Variants in UBXN11 observed in about 807,000 individuals in gnomAD.
The protein encoded by UBXN11 is UBX domain protein 11, also known as UBX domain-containing protein 11.
UBXN11 carries 47 observed loss-of-function variants against 62.8 expected under a neutral mutation model. The observed-to-expected ratio is 0.75, with a 90% CI of 0.59 to 0.95. The LOEUF (loss-of-function observed/expected upper bound fraction) is 0.95. UBXN11 is among the 40% of genes least tolerant of loss of function. UBXN11 has a pLI of 0.00. For missense variants in UBXN11, 638 were observed against 661.7 expected (o/e 0.96, Z 0.39); for synonymous variants, 294 against 267.0 (o/e 1.10, Z -0.99).
rs746750928 is a variant in UBXN11, at chr1:26,302,849, CG to C, written c.34del (p.Arg12GlufsTer10). ...AGGCTCCGAGGGCAGGGGCACTTTT[CG>C]GGTCTTGCTAAGGGAGGCCAAAGGT... ...SSPLASLSKTRKVPLPSEPMN... is the reference protein window; with the variant it reads ...SSPLASLSKTXKVPLPSEPMN... On this transcript the variant is annotated frameshift_variant, in exon 2 of 15. Transcript: ENST00000374222. LOFTEE classifies it high-confidence loss of function. 1.2e-6 allele frequency: 2 copies of C among 1,613,734 alleles called. No homozygotes were observed. The highest frequency in any genetic ancestry group is 2.7e-5 in the African/African-American group (2 of 74,874).
chr1:26,300,835 A>G, intron 4 of UBXN11, 91 bp downstream of exon 4: 1 of 1,590,040 alleles, frequency 6.3e-7, no homozygotes, highest in South Asian at 1.1e-5. Context: ...CAAACAGGCG[A>G]GAGGAAGGGC....
chr1:26,296,397 CG>C (rs2073393315), intron 7 of UBXN11, among the ~76,000 whole-genome samples: 1 of 152,152 alleles, frequency 6.6e-6, no homozygotes, highest in African/African-American at 2.4e-5. Context: ...TGAGAAAGCT[CG>C]GGATGGAAAA....
chr1:26,285,550 G>C lies in UBXN11; in HGVS notation c.775-9C>G, dbSNP rs537188568. On this transcript the variant is annotated splice_polypyrimidine_tract_variant and intron_variant, in intron 9 of 14. Coordinates refer to ENST00000374222, the MANE Select transcript of UBXN11 (RefSeq NM_001389556.1). ...ATGTCTCGGAGGCAGCGCTGCAAGG[G>C]AAGAGGAAAAGTGAGGGGGTGGCCT... 1.1e-4 allele frequency: 172 copies of C among 1,570,262 alleles called. No homozygotes were observed. In the Middle Eastern group the frequency reaches 1.1e-3, roughly 10 times the overall value.
chr1:26,288,673 C>G (rs2073187049), intron 8 of UBXN11, among the ~76,000 whole-genome samples: 1 of 152,196 alleles, frequency 6.6e-6, no homozygotes, highest in Non-Finnish European at 1.5e-5. Context: ...TGGAAAGGCA[C>G]TTCCTCTTTG....
rs77009122 is a variant in UBXN11, at chr1:26,284,881, T to G, written c.853-399A>C. The G allele has an allele frequency of 4.0e-3, 4,061 of 1,011,148 alleles. 135 individuals are homozygous for G. In the African/African-American group the frequency reaches 0.064, roughly 16 times the overall value. The allele number at this position is 1,011,148 out of a possible 1,614,324, so 62.6% of individuals were successfully genotyped here. A position where few individuals can be genotyped will look rare whatever the true frequency, so the allele number is the denominator to read the frequency against. On this transcript the variant is annotated intron_variant, in intron 10 of 14. Coordinates refer to ENST00000374222, the MANE Select transcript of UBXN11 (RefSeq NM_001389556.1). ...AGGCATAGCTCCGAGGTCCCCGCTG[T>G]GGCACGAATGCCTTAAACACCCCCG...
chr1:26,284,954 C>A, intron 10 of UBXN11: 1 of 1,001,038 alleles, frequency 1.0e-6, no homozygotes, highest in Non-Finnish European at 1.2e-6. Flanking sequence ...CATGCTCCCT[C>A]CCGGACACGC....
intron 1 of UBXN11, among the ~76,000 whole-genome samples, chr1:26,312,787 G>GGCCA (rs979777083): frequency 4.0e-5 from 6 of 150,280 alleles, no homozygotes; most frequent in African/African-American, 1.5e-4. Context: ...AGACCAGCCT[G>GGCCA]GCCAACATGG....
At chr1:26,298,116 T>TAC in intron 4 of UBXN11, 54 bp from the exon 5 acceptor site, 1 of 1,565,864 alleles carries the variant, frequency 6.4e-7, no homozygotes, top group Non-Finnish European at 8.7e-7. Context: ...GGCTGAGTTG[T>TAC]GGGGGGGAGG....
At chr1:26,293,837 A>G (rs2073330587) in intron 8 of UBXN11, among the ~76,000 whole-genome samples, 2 of 151,304 alleles carry the variant, frequency 1.3e-5, no homozygotes, top group Admixed American at 1.3e-4. Flanking sequence ...GGAATTTGGC[A>G]GCAGCTTCTA....
intron 8 of UBXN11, among the ~76,000 whole-genome samples, chr1:26,290,186 G>A (rs1001460100): frequency 6.6e-6 from 1 of 152,200 alleles, no homozygotes; most frequent in African/African-American, 2.4e-5. Flanking sequence ...ATCACATGCA[G>A]CTACACACAC....
At chr1:26,288,206 C>A (rs1402269208) in intron 8 of UBXN11, among the ~76,000 whole-genome samples, 1 of 152,046 alleles carries the variant, frequency 6.6e-6, no homozygotes, top group African/African-American at 2.4e-5. Flanking sequence ...AGGAAGAGCA[C>A]CAAATACACC....
At chr1:26,307,305 A>G (rs993834259), upstream of UBXN11, among the ~76,000 whole-genome samples, 1 of 152,178 alleles carries the variant, frequency 6.6e-6, no homozygotes, top group African/African-American at 2.4e-5. Context: ...CTGGCTCCTT[A>G]CTGTGTGTTC....
At chr1:26,311,408 G>A (rs1248562036), upstream of UBXN11, among the ~76,000 whole-genome samples, 3 of 151,710 alleles carry the variant, frequency 2.0e-5, no homozygotes, top group Non-Finnish European at 4.4e-5. Flanking sequence ...CCAAAGTGCT[G>A]GGATTACAGG....
intron 8 of UBXN11, among the ~76,000 whole-genome samples, chr1:26,293,609 C>T (rs1344133256): frequency 1.3e-5 from 2 of 150,554 alleles, no homozygotes; most frequent in African/African-American, 4.9e-5. Context: ...ACTTGTAATC[C>T]TAGCTACTCA....
intron 9 of UBXN11, 127 bp from the exon 10 acceptor site, chr1:26,285,668 C>T: frequency 7.4e-7 from 1 of 1,359,216 alleles, no homozygotes. Flanking sequence ...CATTCAGAGT[C>T]CCAGGCCTTG....
chr1:26,301,500 C>A (rs1249465970), intron 3 of UBXN11, among the ~76,000 whole-genome samples, 194 bp downstream of exon 3: 1 of 152,132 alleles, frequency 6.6e-6, no homozygotes, highest in Non-Finnish European at 1.5e-5. Context: ...GGGTATGGGG[C>A]CTCCTAATCT....
chr1:26,286,188 G>C (rs2073129992), intron 8 of UBXN11, 151 bp from the exon 9 acceptor site: 1 of 620,658 alleles, frequency 1.6e-6, no homozygotes, highest in African/African-American at 1.9e-5. Context: ...GATAATAACA[G>C]CAGCTGTCTT....
intron 8 of UBXN11, among the ~76,000 whole-genome samples, chr1:26,292,981 G>A (rs559143520): frequency 6.6e-6 from 1 of 152,198 alleles, no homozygotes; most frequent in Non-Finnish European, 1.5e-5. Flanking sequence ...CAGGAGGCAG[G>A]ATTCTCATGT....
chr1:26,313,223 C>T (rs1254396990), intron 1 of UBXN11, among the ~76,000 whole-genome samples: 2 of 152,088 alleles, frequency 1.3e-5, no homozygotes, highest in East Asian at 1.9e-4. Context: ...TGACCAAGGA[C>T]ATTTGGAGAA....
Sources: gnomAD v4.1 joint callset for allele counts (sites outside exome capture counted in the v4.1 genomes callset) on GRCh38, gnomAD v4.1.1 for gene constraint, MANE v1.5 for transcripts, NCBI Gene and HGNC (gene_info 2026-07-23, HGNC 2026-07-21) for gene names.